Variants in EIF2B5 observed in about 807,000 individuals in gnomAD.
EIF2B5 encodes eukaryotic translation initiation factor 2B subunit epsilon.
In EIF2B5, 38 loss-of-function variants were observed where a neutral mutation model predicts 87.3. The observed-to-expected ratio is 0.44, with a 90% CI of 0.34 to 0.57. The LOEUF (loss-of-function observed/expected upper bound fraction) is 0.57, where lower values mean the gene tolerates loss of function less well. Ranked by LOEUF, EIF2B5 falls within the 20% of genes least tolerant of loss-of-function variation. The pLI is 0.02. For synonymous variants in EIF2B5, 313 were observed against 339.6 expected, an observed-to-expected ratio of 0.92 and a Z score of 0.86; for missense variants, 784 against 909.5, an observed-to-expected ratio of 0.86 and a Z score of 1.78.
chr3:184,140,023 A>G (rs1477005030), intron 5 of EIF2B5, 57 bp from the exon 6 acceptor site: 8 of 635,686 alleles, frequency 1.3e-5, no homozygotes, highest in Admixed American at 7.6e-5. Flanking sequence ...ACTTGTCTCA[A>G]AAAAAAAAAA....
Position 184,137,689 on chromosome 3 carries a change from A to G in EIF2B5, c.390A>G (p.Ser130=), listed in dbSNP as rs1713423878. ...VRIITSELYR[S]LGDVLRDVDA... ...TAATTACATCAGAGCTCTATCGATC[A>G]CTGGGAGATGTCCTCCGTGATGTTG... is the stretch of plus-strand genomic sequence containing the variant. Residue 130 remains serine, a synonymous_variant, in exon 3 of 16, where the codon TCA becomes TCG. Coordinates refer to ENST00000648915, the MANE Select transcript of EIF2B5 (RefSeq NM_003907.3). 6.2e-7 allele frequency: 1 copy of G among 1,614,092 alleles called. No homozygotes were observed. The highest frequency in any genetic ancestry group is 1.3e-5 in the African/African-American group (1 of 74,924).
chr3:184,138,958 TTTTG>T (rs1713488853), intron 5 of EIF2B5: 1 of 248,762 alleles, frequency 4.0e-6, no homozygotes, highest in Non-Finnish European at 8.2e-6. Flanking sequence ...CACCAGTTTT[TTTTG>T]TTGTTGTTGT....
intron 2 of EIF2B5, chr3:184,137,072 C>G: frequency 5.4e-6 from 2 of 370,234 alleles, no homozygotes; most frequent in South Asian, 4.7e-5. Context: ...GTTTCTAAAT[C>G]TTGTTTGTTC....
chr3:184,139,879 T>C (rs1382967242), intron 5 of EIF2B5, among the ~76,000 whole-genome samples: 1 of 151,478 alleles, frequency 6.6e-6, no homozygotes, highest in Non-Finnish European at 1.5e-5. Context: ...AAAAATTAGC[T>C]GGGCGTGGTG....
At position 184,136,684 on chromosome 3, in the gene EIF2B5, G is replaced by A; in HGVS notation, c.268G>A (p.Glu90Lys). The A allele has an allele frequency of 6.2e-7, 1 of 1,614,172 alleles. No homozygotes were observed. Among genetic ancestry groups the A allele is most frequent in the Non-Finnish European group, 8.5e-7 (1 of 1,180,036 alleles). Residue 90 changes from glutamate to lysine, a missense_variant, in exon 2 of 16, where the codon GAA (glutamate) becomes AAA (lysine). Coordinates refer to ENST00000648915, the MANE Select transcript of EIF2B5 (RefSeq NM_003907.3). ...LEFLTATGVQETFVFCCWKAA... is the reference protein window; with the variant it reads ...LEFLTATGVQKTFVFCCWKAA... ...ATTCCTGACTGCCACAGGTGTACAG[G>A]AAACATTTGTCTTTTGTTGCTGGAA...
In EIF2B5 at chr3:184,144,217, T is replaced by C. The variant is rs370561398; in HGVS notation, c.1988T>C (p.Met663Thr). 1.7e-5 allele frequency: 27 copies of C among 1,613,994 alleles called. No homozygotes were observed. Among genetic ancestry groups the C allele is most frequent in the Non-Finnish European group, 2.3e-5 (27 of 1,180,058 alleles). Residue 663 changes from methionine (M) to threonine (T), a missense_variant, in exon 14 of 16, where the codon ATG becomes ACG. This residue lies in a region of EIF2B5 where 660 missense variants were observed against 789.5 expected (regional missense o/e 0.84). Coordinates refer to ENST00000648915, the MANE Select transcript of EIF2B5 (RefSeq NM_003907.3). ...FLEHEALGIS[M>T]AKVLMAFYQL... ...GAGCATGAAGCTCTTGGTATTTCCA[T>C]GGCCAAGGTGAATATGACCTCAAGC...
Position 184,144,896 on chromosome 3 carries a change from A to G in EIF2B5, c.2119A>G (p.Ile707Val), listed in dbSNP as rs756289697. 6.2e-7 allele frequency: 1 copy of G among 1,613,634 alleles called. No homozygotes were observed. Among genetic ancestry groups the G allele is most frequent in the Non-Finnish European group, 8.5e-7 (1 of 1,180,010 alleles). Residue 707 changes from isoleucine to valine, a missense_variant, in exon 16 of 16, where the codon ATC (isoleucine) becomes GTC (valine). Coordinates refer to ENST00000648915, the MANE Select transcript of EIF2B5 (RefSeq NM_003907.3). ...TGCTTCTTTACAGCTGCAGAGGTTC[A>G]TCCAGTGGCTAAAAGAGGCAGAAGA... ...LRKNQQLQRFIQWLKEAEEES... is the reference protein window; with the variant it reads ...LRKNQQLQRFVQWLKEAEEES...
Position 184,140,513 on chromosome 3 carries a change from C to T in EIF2B5, c.939C>T (p.Val313=), listed in dbSNP as rs772927346. ...LHMYSAVCAD[V]IRRWVYPLTP... ...TGTACTCAGCTGTCTGTGCTGACGTCATCCGCCGATGGGTCTACCCTCTCA... is the reference window on the plus strand; with the variant it reads ...TGTACTCAGCTGTCTGTGCTGACGTTATCCGCCGATGGGTCTACCCTCTCA... The change falls in exon 7 of 16, where the codon GTC becomes GTT. Residue 313 remains valine (V), a synonymous_variant. Transcript: ENST00000648915. 7 of 1,614,026 alleles carry T rather than the reference C, an allele frequency of 4.3e-6. No homozygotes were observed. Among genetic ancestry groups the T allele is most frequent in the African/African-American group, 2.7e-5 (2 of 74,900 alleles).
intron 13 of EIF2B5, 64 bp downstream of exon 13, chr3:184,143,629 T>A: frequency 6.2e-7 from 1 of 1,611,822 alleles, no homozygotes; most frequent in Non-Finnish European, 8.5e-7. Flanking sequence ...AGGAGTAGAC[T>A]GTCTTGTTAT....
chr3:184,141,267 A>T (rs970748563), intron 7 of EIF2B5, among the ~76,000 whole-genome samples: 3 of 152,182 alleles, frequency 2.0e-5, no homozygotes, highest in Non-Finnish European at 4.4e-5. Flanking sequence ...CAAGAACAAC[A>T]GTAAGGCTCA....
rs917868650 is a variant in EIF2B5, at chr3:184,145,022, A to G, written c.*79A>G. 1 of 1,322,528 alleles carries G rather than the reference A, an allele frequency of 7.6e-7. No homozygotes were observed. Among genetic ancestry groups the G allele is most frequent in the African/African-American group, 1.4e-5 (1 of 69,550 alleles). The allele number at this position is 1,322,528 out of a possible 1,614,324, so 81.9% of individuals were successfully genotyped here. On this transcript the variant is annotated 3_prime_UTR_variant, in exon 16 of 16. Coordinates refer to ENST00000648915, the MANE Select transcript of EIF2B5 (RefSeq NM_003907.3). The surrounding 1 kb of genome is among the most constrained non-coding windows in gnomAD (Gnocchi z 4.0). The stretch of plus-strand genomic sequence containing the variant: ...CTGGGACAAGTGAGGAACTAGCTGC[A>G]GAGGGATGAGTGACCACCATCCAGG...
In EIF2B5 at chr3:184,137,614, C is replaced by T; in HGVS notation, c.321-6C>T. The T allele has an allele frequency of 2.5e-6, 4 of 1,613,902 alleles. No individual in the cohort carries two copies. Among genetic ancestry groups the T allele is most frequent in the Non-Finnish European group, 3.4e-6 (4 of 1,179,794 alleles). ...CACTCATTCCCCTCACCCTCCCTTC[C>T]TTTAGGAAGTCAAAGTGGTGCCGCC... On this transcript the variant is annotated splice_polypyrimidine_tract_variant and splice_region_variant and intron_variant, in intron 2 of 15. Transcript: ENST00000648915.
chr3:184,139,270 A>ATTTTTTTT (rs1196978595), intron 5 of EIF2B5, among the ~76,000 whole-genome samples: 1 of 48,012 alleles, frequency 2.1e-5, no homozygotes, highest in Non-Finnish European at 3.4e-5. Flanking sequence ...TGCACCCAGC[A>ATTTTTTTT]TTTTTTTTTT....
intron 15 of EIF2B5, 58 bp from the exon 16 acceptor site, chr3:184,144,826 G>C: frequency 6.3e-7 from 1 of 1,599,858 alleles, no homozygotes; most frequent in Non-Finnish European, 8.5e-7. Context: ...ATCTGCCGAG[G>C]GGAGCAGGAG....
Position 184,142,409 on chromosome 3 carries a change from T to C in EIF2B5, c.1444+31T>C. ...AGACTCAACAGGTGTGGGGCATCTG[T>C]GTGTCTCGCTGCCTCATAGAAGAAC... On this transcript the variant is annotated intron_variant, in intron 9 of 15. Transcript: ENST00000648915. The surrounding 1 kb of genome is among the most constrained non-coding windows in gnomAD (Gnocchi z 5.0). The C allele has an allele frequency of 6.2e-7, 1 of 1,614,178 alleles. No homozygotes were observed. The highest frequency in any genetic ancestry group is 8.5e-7 in the Non-Finnish European group (1 of 1,180,028).
chr3:184,142,456 T>C lies in EIF2B5; in HGVS notation c.1445-46T>C, dbSNP rs1252408244. 5 of 1,613,954 alleles carry C rather than the reference T, an allele frequency of 3.1e-6. No homozygotes were observed. Among genetic ancestry groups the C allele is most frequent in the African/African-American group, 2.7e-5 (2 of 74,916 alleles). On this transcript the variant is annotated intron_variant, in intron 9 of 15. Transcript: ENST00000648915. This position sits in a 1 kb window ranked among gnomAD's most constrained non-coding sequence, Gnocchi z 5.0. ...GAACCAGTGTTTCCTCCTGGAGGGA[T>C]TGGTGCTTCCGCCGGGCCCTCTCTA...
chr3:184,137,574 T>A (rs777788136), intron 2 of EIF2B5, 46 bp from the exon 3 acceptor site: 2 of 1,591,848 alleles, frequency 1.3e-6, no homozygotes, highest in Non-Finnish European at 1.7e-6. Context: ...GCTCAAATGA[T>A]CTTTATGCTT....
In EIF2B5 at chr3:184,140,785, G is replaced by A. The variant is rs552082113; in HGVS notation, c.1156+55G>A. 1.5e-4 allele frequency: 232 copies of A among 1,596,282 alleles called. 4 individuals carry two copies. In the South Asian group the frequency reaches 2.3e-3, roughly 16 times the overall value. On this transcript the variant is annotated intron_variant, in intron 7 of 15. Coordinates refer to ENST00000648915, the MANE Select transcript of EIF2B5 (RefSeq NM_003907.3). ...ATCCTAGGAACAGGAACCTGGGGGG[G>A]CCACGTCTCCAGAAACACAAGGGAT...
At chr3:184,139,929 A>G in intron 5 of EIF2B5, 151 bp from the exon 6 acceptor site, 1 of 584,728 alleles carries the variant, frequency 1.7e-6, no homozygotes, top group South Asian at 1.7e-5. Context: ...AGGCTGAGGC[A>G]CAAGAATCAC....
Sources: allele counts gnomAD v4.1 joint callset (sites outside exome capture counted in the v4.1 genomes callset), GRCh38; gene constraint gnomAD v4.1.1; regional missense constraint gnomAD v4.1.1; non-coding constraint Gnocchi (gnomAD v3.1); transcripts MANE v1.5; gene names NCBI Gene and HGNC (gene_info 2026-07-23, HGNC 2026-07-21).